Variants in INVS observed in about 807,000 individuals in gnomAD.
INVS encodes inversion of embryo turning homolog.
A neutral mutation model predicts 108.8 loss-of-function variants in INVS; 86 were observed. The ratio of observed to expected loss-of-function variants is 0.79; its 90% CI spans 0.66 to 0.95. INVS has a LOEUF of 0.95. Among genes scored for constraint, INVS ranks in the 40% least tolerant of loss-of-function variants. The pLI is 0.00. For synonymous variants in INVS, 455 were observed against 473.5 expected, an observed-to-expected ratio of 0.96 and a Z score of 0.51; for missense variants, 1,169 against 1,297.4, an observed-to-expected ratio of 0.90 and a Z score of 1.52.
At chr9:100,186,949 GA>G (rs1010687239) in intron 3 of INVS, among the ~76,000 whole-genome samples, 7 of 152,048 alleles carry the variant, frequency 4.6e-5, no homozygotes, top group African/African-American at 1.7e-4. Context: ...TTGTCTGGAA[GA>G]GTTTTCCCTA....
At chr9:100,236,227 A>G (rs769575509) in intron 5 of INVS, among the ~76,000 whole-genome samples, 14 of 152,180 alleles carry the variant, frequency 9.2e-5, no homozygotes, top group Non-Finnish European at 1.6e-4. Context: ...ATGTTCTTCT[A>G]TAAACTGGTT....
At chr9:100,259,980 T>C (rs1832564866) in intron 10 of INVS, among the ~76,000 whole-genome samples, 1 of 151,704 alleles carries the variant, frequency 6.6e-6, no homozygotes, top group Non-Finnish European at 1.5e-5. Context: ...CAAGTGATTC[T>C]TCTGCCTCAG....
intron 11 of INVS, among the ~76,000 whole-genome samples, chr9:100,270,862 T>G (rs980937349): frequency 2.7e-5 from 4 of 150,228 alleles, no homozygotes; most frequent in African/African-American, 4.9e-5. Flanking sequence ...GAGTCGAGGC[T>G]GCAGTAAGCT....
chr9:100,142,483 A>T (rs1405522987), intron 3 of INVS, among the ~76,000 whole-genome samples: 1 of 152,112 alleles, frequency 6.6e-6, no homozygotes, highest in Non-Finnish European at 1.5e-5. Context: ...GAAAGAAGGA[A>T]ATACGGGGAA....
chr9:100,280,869 C>A (rs1029831581), intron 12 of INVS, among the ~76,000 whole-genome samples: 2 of 152,142 alleles, frequency 1.3e-5, no homozygotes, highest in Non-Finnish European at 2.9e-5. Context: ...GGGAGGATCA[C>A]TTGAGGCCAG....
intron 3 of INVS, among the ~76,000 whole-genome samples, chr9:100,185,572 T>G (rs1274762013): frequency 1.4e-5 from 2 of 145,030 alleles, no homozygotes; most frequent in African/African-American, 2.5e-5. Context: ...TTTTAGTAGC[T>G]TTTATAGTGC....
At chr9:100,108,923 C>G (rs1827256771) in intron 2 of INVS, among the ~76,000 whole-genome samples, 1 of 152,206 alleles carries the variant, frequency 6.6e-6, no homozygotes, top group South Asian at 2.1e-4. Flanking sequence ...TAACTTACTG[C>G]TTCTAGATTC....
chr9:100,279,715 T>C (rs1340313312), intron 12 of INVS, among the ~76,000 whole-genome samples: 2 of 152,206 alleles, frequency 1.3e-5, no homozygotes, highest in African/African-American at 4.8e-5. Context: ...CTCTTTTCTG[T>C]GGAAGCATTT....
intron 14 of INVS, among the ~76,000 whole-genome samples, chr9:100,294,921 G>A (rs926406084): frequency 2.0e-5 from 3 of 152,252 alleles, no homozygotes; most frequent in East Asian, 1.9e-4. Context: ...TCTTATCCCC[G>A]TTACACAGAT....
intron 3 of INVS, among the ~76,000 whole-genome samples, chr9:100,137,822 T>A (rs1828275706): frequency 6.6e-6 from 1 of 152,198 alleles, no homozygotes; most frequent in African/African-American, 2.4e-5. Context: ...TTGATGTGAT[T>A]AATTGATGTG....
At chr9:100,244,427 A>C (rs1193614095) in intron 7 of INVS, among the ~76,000 whole-genome samples, 1 of 152,218 alleles carries the variant, frequency 6.6e-6, no homozygotes, top group Non-Finnish European at 1.5e-5. Flanking sequence ...CCATGAGATT[A>C]AATGACTTGC....
At chr9:100,184,598 A>C (rs543045601) in intron 3 of INVS, among the ~76,000 whole-genome samples, 41 of 152,308 alleles carry the variant, frequency 2.7e-4, no homozygotes, top group Admixed American at 9.2e-4. Flanking sequence ...TGTATGTAAT[A>C]AGTCTGTCTT....
At chr9:100,263,407 T>A (rs1045203874) in intron 10 of INVS, among the ~76,000 whole-genome samples, 2 of 152,204 alleles carry the variant, frequency 1.3e-5, no homozygotes, top group African/African-American at 2.4e-5. Context: ...TCCATTTTTT[T>A]AATTTTTTAG....
chr9:100,251,917 T>C (rs1832251503), intron 8 of INVS, among the ~76,000 whole-genome samples: 1 of 152,200 alleles, frequency 6.6e-6, no homozygotes, highest in Non-Finnish European at 1.5e-5. Flanking sequence ...CAGAATTGTG[T>C]ACATCATTTA....
At chr9:100,139,998 G>A (rs1484274571) in intron 3 of INVS, among the ~76,000 whole-genome samples, 3 of 152,112 alleles carry the variant, frequency 2.0e-5, no homozygotes, top group Admixed American at 6.5e-5. Flanking sequence ...TCGTTATGTT[G>A]TGCAACCACT....
intron 13 of INVS, among the ~76,000 whole-genome samples, chr9:100,286,232 C>T (rs1353439020): frequency 1.3e-5 from 2 of 152,090 alleles, no homozygotes; most frequent in Non-Finnish European, 2.9e-5. Context: ...ATTAATCTAG[C>T]CAAGAACAAC....
Position 100,300,585 on chromosome 9 carries a change from A to T in INVS, c.3109A>T (p.Ile1037Leu). Reference protein sequence around the residue: ...RLNSVSNLQCIHLLENSGRSK... With the variant: ...RLNSVSNLQCLHLLENSGRSK... ...TTTAACAGTGAGCAACCTACAGTGTATACATCTCCTTGAGAACAGTGGAAG... is the reference window on the plus strand; with the variant it reads ...TTTAACAGTGAGCAACCTACAGTGTTTACATCTCCTTGAGAACAGTGGAAG... Residue 1037 changes from isoleucine (I) to leucine (L), a missense_variant, in exon 17 of 17, where the codon ATA (isoleucine) becomes TTA (leucine). By Grantham distance (5) the Ile-to-Leu change is conservative. Around this residue, in one of 3 missense-constraint regions of INVS, gnomAD observed 533 missense variants for 536.0 expected, o/e 0.99. Coordinates refer to ENST00000262457, the MANE Select transcript of INVS (RefSeq NM_014425.5). 2 of 1,611,854 alleles carry T rather than the reference A, an allele frequency of 1.2e-6. No homozygotes were observed. Among genetic ancestry groups the T allele is most frequent in the Non-Finnish European group, 1.7e-6 (2 of 1,177,910 alleles).
At chr9:100,129,527 A>T (rs1588022614) in intron 3 of INVS, 10 of 462,276 alleles carry the variant, frequency 2.2e-5, no homozygotes, top group South Asian at 1.1e-4. Context: ...AAAATTTTTT[A>T]AAAAAACAAG....
intron 3 of INVS, among the ~76,000 whole-genome samples, chr9:100,182,274 TTAAAC>T (rs1209562280): frequency 1.3e-5 from 2 of 152,114 alleles, no homozygotes; most frequent in East Asian, 1.9e-4. Flanking sequence ...TGGGATCTAA[TTAAAC>T]TAAAGAGCTT....
Sources: gnomAD v4.1 joint callset for allele counts (sites outside exome capture counted in the v4.1 genomes callset) on GRCh38, gnomAD v4.1.1 for gene constraint, gnomAD v4.1.1 regional missense constraint, MANE v1.5 for transcripts, NCBI Gene and HGNC (gene_info 2026-07-23, HGNC 2026-07-21) for gene names.